The following CA10 variants were observed in gnomAD, a reference collection of about 807,000 sequenced individuals.
The protein encoded by CA10 is carbonic anhydrase-related protein 10.
In CA10, 14 loss-of-function variants were observed where a neutral mutation model predicts 44.2. The ratio of observed to expected loss-of-function variants is 0.32; its 90% CI spans 0.21 to 0.50. The LOEUF is 0.50. Ranked by LOEUF, CA10 falls within the 20% of genes least tolerant of loss-of-function variation. CA10 has a pLI of 0.99. For synonymous variants in CA10, 159 were observed against 141.6 expected (o/e 1.12, Z -0.87); for missense variants, 350 against 409.7 (o/e 0.85, Z 1.26).
At chr17:52,104,003 C>T (rs970876420) in intron 1 of CA10, among the ~76,000 whole-genome samples, 2 of 152,180 alleles carry the variant, frequency 1.3e-5, no homozygotes, top group African/African-American at 4.8e-5. Context: ...GGCCAATGAC[C>T]ATACTTTACT....
intron 1 of CA10, among the ~76,000 whole-genome samples, chr17:52,099,712 C>T (rs887539724): frequency 2.0e-5 from 3 of 152,162 alleles, no homozygotes; most frequent in Non-Finnish European, 4.4e-5. Context: ...GTTCTTAAGG[C>T]ATATCCATAG....
At chr17:51,837,725 G>A (rs1978291930) in intron 3 of CA10, among the ~76,000 whole-genome samples, 1 of 151,792 alleles carries the variant, frequency 6.6e-6, no homozygotes, top group Non-Finnish European at 1.5e-5. Context: ...CCTATATGAG[G>A]GATTATTATA....
chr17:51,789,522 T>C (rs1906428076), intron 3 of CA10, among the ~76,000 whole-genome samples: 1 of 152,194 alleles, frequency 6.6e-6, no homozygotes, highest in Non-Finnish European at 1.5e-5. Context: ...TGCAACACTC[T>C]AGCACATGCT....
At chr17:52,019,205 G>T (rs932568942) in intron 2 of CA10, among the ~76,000 whole-genome samples, 3 of 151,944 alleles carry the variant, frequency 2.0e-5, no homozygotes, top group Non-Finnish European at 1.5e-5. Context: ...ATAATTCTAG[G>T]TTCTTTTTAC....
chr17:52,103,617 A>G lies in CA10; in HGVS notation c.62-31224T>C, dbSNP rs1312634504. On this transcript the variant is annotated intron_variant, in intron 1 of 8. Coordinates refer to ENST00000451037, the MANE Select transcript of CA10 (RefSeq NM_020178.5). ...AGCTTCCCTACTGGATTAGGTGGCC[A>G]TGACTGTTTGATGCTGCAGCTAGGA... 3.3e-5 allele frequency among the ~76,000 whole-genome samples: 5 copies of G among 152,166 alleles called. No homozygotes were observed. The East Asian group carries it at 9.6e-4, about 29-fold the overall frequency.
intron 3 of CA10, chr17:51,748,481 C>G: frequency 5.1e-6 from 5 of 985,458 alleles, no homozygotes; most frequent in Non-Finnish European, 6.0e-6. Flanking sequence ...AACATGACTG[C>G]TTGGCATTCC....
At chr17:51,758,302 T>C (rs1195822530) in intron 3 of CA10, among the ~76,000 whole-genome samples, 1 of 152,262 alleles carries the variant, frequency 6.6e-6, no homozygotes, top group Non-Finnish European at 1.5e-5. Flanking sequence ...AAATAATACA[T>C]GATTTATTTG....
At chr17:51,804,142 C>T (rs1043694496) in intron 3 of CA10, among the ~76,000 whole-genome samples, 1 of 152,186 alleles carries the variant, frequency 6.6e-6, no homozygotes, top group Non-Finnish European at 1.5e-5. Context: ...TTAGTCCTAT[C>T]TATGATGATT....
intron 6 of CA10, among the ~76,000 whole-genome samples, chr17:51,645,413 G>C (rs768499365): frequency 3.3e-5 from 5 of 152,156 alleles, no homozygotes; most frequent in Non-Finnish European, 1.5e-5. Flanking sequence ...GTCAGTAATG[G>C]CAATGTCACT....
chr17:51,653,658 C>T lies in CA10; in HGVS notation c.544G>A (p.Val182Ile). ...AGACTTACTTTTATAAATATAGAAACTACCACCAATCCATTTGGACTCTTT... is the reference window on the plus strand; with the variant it reads ...AGACTTACTTTTATAAATATAGAAATTACCACCAATCCATTTGGACTCTTT... ...AAKSPNGLVV[V>I]SIFIKVSDSS... The change falls in exon 5 of 9, where the codon GTT becomes ATT. Residue 182 changes from valine to isoleucine, a missense_variant. Transcript: ENST00000451037. 6.3e-7 allele frequency: 1 copy of T among 1,587,410 alleles called. No individual in the cohort carries two copies. The highest frequency in any genetic ancestry group is 8.7e-7 in the Non-Finnish European group (1 of 1,155,692).
intron 2 of CA10, among the ~76,000 whole-genome samples, chr17:52,066,542 T>C (rs1988521): frequency 1 from 151,676 of 152,316 alleles, 75,519 homozygotes; most frequent in East Asian, 1. Context: ...CGGGAGTTCC[T>C]CTGCACAAGC....
chr17:52,096,162 G>T (rs1365616612), intron 1 of CA10, among the ~76,000 whole-genome samples: 1 of 152,108 alleles, frequency 6.6e-6, no homozygotes, highest in Non-Finnish European at 1.5e-5. Context: ...CAATATAGGG[G>T]TACATAGGCT....
At chr17:51,841,284 A>G (rs1978316844) in intron 3 of CA10, among the ~76,000 whole-genome samples, 1 of 151,912 alleles carries the variant, frequency 6.6e-6, no homozygotes, top group South Asian at 2.1e-4. Flanking sequence ...GTAGATACAT[A>G]CTGATAGTTA....
chr17:51,807,039 C>T (rs1907165707), intron 3 of CA10, among the ~76,000 whole-genome samples: 1 of 152,190 alleles, frequency 6.6e-6, no homozygotes, highest in Non-Finnish European at 1.5e-5. Context: ...AAAACCAAGG[C>T]AGATTAAAGT....
At chr17:51,636,339 C>T (rs1912825820) in intron 6 of CA10, among the ~76,000 whole-genome samples, 1 of 152,180 alleles carries the variant, frequency 6.6e-6, no homozygotes, top group Non-Finnish European at 1.5e-5. Flanking sequence ...AACACCTGGA[C>T]CTGTGCGGAT....
chr17:52,086,497 G>T lies in CA10; in HGVS notation c.62-14104C>A, dbSNP rs79577275. 9.9e-4 allele frequency among the ~76,000 whole-genome samples: 150 copies of T among 152,238 alleles called. 3 individuals are homozygous for T. The highest frequency in any genetic ancestry group is 3.5e-3 in the African/African-American group (146 of 41,528). On this transcript the variant is annotated intron_variant, in intron 1 of 8. Transcript: ENST00000451037. ...CCTAGAAATAATATTCACTACTTCT[G>T]CCCACATTTCATTGACTAGAACTTG...
chr17:52,119,236 G>A (rs557459062), intron 1 of CA10, among the ~76,000 whole-genome samples: 4 of 150,932 alleles, frequency 2.7e-5, no homozygotes, highest in Admixed American at 2.6e-4. Flanking sequence ...CATGACTTAT[G>A]GCAGTATTCA....
In CA10 at chr17:52,051,520, CA is replaced by C. The variant is rs1406671321; in HGVS notation, c.136+20798del. 7.3e-5 allele frequency among the ~76,000 whole-genome samples: 11 copies of C among 151,264 alleles called. No homozygotes were observed. The South Asian group carries it at 1.3e-3, about 17-fold the overall frequency. ...TTTCGACAGAAGACATATATGCAGC[CA>C]ACAAGTCTACAAAAAATAGCTCAAC... On this transcript the variant is annotated intron_variant, in intron 2 of 8. Coordinates refer to ENST00000451037, the MANE Select transcript of CA10 (RefSeq NM_020178.5).
intron 3 of CA10, among the ~76,000 whole-genome samples, chr17:51,829,997 G>A (rs963183784): frequency 3.3e-5 from 5 of 152,050 alleles, no homozygotes; most frequent in Non-Finnish European, 5.9e-5. Context: ...AAGAGATCGA[G>A]ACCATTCTGG....
Sources: gnomAD v4.1 joint callset for allele counts (sites outside exome capture counted in the v4.1 genomes callset) on GRCh38, gnomAD v4.1.1 for gene constraint, MANE v1.5 for transcripts, NCBI Gene and HGNC (gene_info 2026-07-23, HGNC 2026-07-21) for gene names.